USH2A: variants seen among roughly 807,000 people sequenced by gnomAD.
The protein encoded by USH2A is usherin.
USH2A carries 443 observed loss-of-function variants against 538.9 expected under a neutral mutation model. That is an observed-to-expected ratio of 0.82 (90% confidence interval 0.76 to 0.89). The LOEUF (loss-of-function observed/expected upper bound fraction) is 0.89, where lower values mean the gene tolerates loss of function less well. Ranked by LOEUF, USH2A falls within the 40% of genes least tolerant of loss-of-function variation. The pLI is 0.00. For synonymous variants in USH2A, 2,413 were observed against 2,273.5 expected (o/e 1.06, Z -1.75); for missense variants, 6,633 against 6,324.8 (o/e 1.05, Z -1.65).
chr1:216,050,809 G>A (rs1308109596), intron 30 of USH2A, among the ~76,000 whole-genome samples: 1 of 151,298 alleles, frequency 6.6e-6, no homozygotes, highest in Non-Finnish European at 1.5e-5. Flanking sequence ...GTTTCACCGT[G>A]TTAGCCAGGA....
At chr1:216,081,826 C>T (rs2031953695) in intron 26 of USH2A, among the ~76,000 whole-genome samples, 1 of 152,030 alleles carries the variant, frequency 6.6e-6, no homozygotes, top group South Asian at 2.1e-4. Flanking sequence ...CTACTGGCCT[C>T]AAGCTACCCT....
In USH2A at chr1:215,845,927, A is replaced by C. The variant is rs1416836481; in HGVS notation, c.8952T>G (p.Ile2984Met). The C allele has an allele frequency of 6.2e-7, 1 of 1,613,816 alleles. No homozygotes were observed. The highest frequency in any genetic ancestry group is 8.5e-7 in the Non-Finnish European group (1 of 1,179,940). The change falls in exon 45 of 72, where the codon ATT becomes ATG. Residue 2984 changes from isoleucine to methionine, a missense_variant. Transcript: ENST00000307340. ...ACTCTGTGTTTGGCTTTAGGTGGCC[A>C]ATGACATGAGAGTTTACATCTGGCA... is the stretch of plus-strand genomic sequence containing the variant. ...KILPDVNSHV[I>M]GHLKPNTEYW...
chr1:216,212,555 T>C (rs1380330781), intron 15 of USH2A, among the ~76,000 whole-genome samples: 1 of 152,070 alleles, frequency 6.6e-6, no homozygotes, highest in African/African-American at 2.4e-5. Flanking sequence ...TCTCCAGCTT[T>C]GGAACTTTGG....
intron 38 of USH2A, among the ~76,000 whole-genome samples, chr1:215,922,410 A>G (rs1666123622): frequency 6.6e-6 from 1 of 152,102 alleles, no homozygotes; most frequent in Non-Finnish European, 1.5e-5. Context: ...GCTTTCTTAC[A>G]TTGGAAAGAC....
chr1:216,198,203 A>G, intron 18 of USH2A, 112 bp downstream of exon 18: 3 of 1,514,590 alleles, frequency 2.0e-6, no homozygotes, highest in African/African-American at 1.4e-5. Context: ...GGTCTATGGA[A>G]GTTTCTAATT....
At chr1:216,196,805 T>C in intron 18 of USH2A, 83 bp from the exon 19 acceptor site, 1 of 1,460,044 alleles carries the variant, frequency 6.8e-7, no homozygotes, top group Non-Finnish European at 9.4e-7. Context: ...CACATTCATT[T>C]AGTTTCTGAA....
chr1:215,977,456 C>T lies in USH2A; in HGVS notation c.6806-6680G>A, dbSNP rs17025825. ...AGTAAGATTTTGAGTCCTTGAAATG[C>T]CATGTAAGTATTTTCAAAATTATAG... On this transcript the variant is annotated intron_variant, in intron 35 of 71. Transcript: ENST00000307340. 3.4e-3 allele frequency among the ~76,000 whole-genome samples: 515 copies of T among 151,940 alleles called. 4 individuals are homozygous for T. The highest frequency in any genetic ancestry group is 0.012 in the African/African-American group (489 of 41,416).
At position 215,728,131 on chromosome 1, in the gene USH2A, C is replaced by A. The variant is rs2102713426; in HGVS notation, c.11965G>T (p.Glu3989Ter). 6.2e-7 allele frequency: 1 copy of A among 1,614,162 alleles called. No homozygotes were observed. The highest frequency in any genetic ancestry group is 2.2e-5 in the East Asian group (1 of 44,860). ...TGGGAGATAATGCCATTGGGAGATT[C>A]TGGCTTTGTCCAATTCAACAGAACT... ...HSVLLNWTKPESPNGIISHYR... is the reference protein window; with the variant it reads ...HSVLLNWTKP The change falls in exon 61 of 72, where the codon GAA becomes TAA. Residue 3989 changes from glutamate to a stop codon, truncating the protein, a stop_gained. Transcript: ENST00000307340. LOFTEE classifies it high-confidence loss of function.
At chr1:215,749,387 C>A (rs1287596175) in intron 58 of USH2A, among the ~76,000 whole-genome samples, 3 of 152,198 alleles carry the variant, frequency 2.0e-5, no homozygotes, top group Non-Finnish European at 4.4e-5. Context: ...TTCACCTCTT[C>A]ATTAATTGGA....
rs560203366 is a variant in USH2A at position 215,815,626 on chromosome 1, A to T, written c.9570+1371T>A. Reference sequence around the variant, plus strand: ...GTAATTTTATAAATAATTTAGCCTAAACATAGGTAAATATTATTCTGTTAA... The same window carrying T: ...GTAATTTTATAAATAATTTAGCCTATACATAGGTAAATATTATTCTGTTAA... On this transcript the variant is annotated intron_variant, in intron 48 of 71. Coordinates refer to ENST00000307340, the MANE Select transcript of USH2A (RefSeq NM_206933.4). 3.3e-5 allele frequency among the ~76,000 whole-genome samples: 5 copies of T among 152,188 alleles called. No individual in the cohort carries two copies. In the East Asian group the frequency reaches 7.7e-4, roughly 23 times the overall value.
intron 3 of USH2A, among the ~76,000 whole-genome samples, chr1:216,418,097 A>G (rs1490517319): frequency 1.3e-5 from 2 of 152,160 alleles, no homozygotes; most frequent in African/African-American, 2.4e-5. Context: ...GACAAATTTT[A>G]TTCACATCAT....
chr1:216,184,203 T>G (rs962711375), intron 20 of USH2A, among the ~76,000 whole-genome samples: 1 of 152,026 alleles, frequency 6.6e-6, no homozygotes, highest in African/African-American at 2.4e-5. Flanking sequence ...AATAAATAAT[T>G]GGATAATTAG....
chr1:216,310,769 T>A (rs2037405460), intron 9 of USH2A, among the ~76,000 whole-genome samples: 3 of 152,236 alleles, frequency 2.0e-5, no homozygotes. Flanking sequence ...TCACTGAGTT[T>A]TCTTAAAACT....
intron 37 of USH2A, among the ~76,000 whole-genome samples, chr1:215,953,955 A>G (rs1342348451): frequency 6.6e-6 from 1 of 152,238 alleles, no homozygotes; most frequent in Non-Finnish European, 1.5e-5. Context: ...CAAAGGACAC[A>G]TGAAAAAATG....
intron 43 of USH2A, among the ~76,000 whole-genome samples, chr1:215,872,990 G>A (rs757747729): frequency 3.9e-5 from 6 of 152,066 alleles, no homozygotes; most frequent in East Asian, 1.9e-4. Context: ...GCAGAACCAT[G>A]AGCCAAGTAA....
rs2034934277 is a variant in USH2A at position 216,199,606 on chromosome 1, ATC to A, written c.3811+19_3811+20del. 7.4e-6 allele frequency: 12 copies of A among 1,613,620 alleles called. No individual in the cohort carries two copies. The East Asian group carries it at 2.7e-4, about 36-fold the overall frequency. ...ATTCATGTCTTGACCAAAAAGGGGA[ATC>A]TCAGCCTTGGATTCTTACCATTTAG... On this transcript the variant is annotated intron_variant, in intron 17 of 71. Transcript: ENST00000307340.
intron 61 of USH2A, among the ~76,000 whole-genome samples, chr1:215,692,101 T>A (rs1658632864): frequency 6.6e-6 from 1 of 152,202 alleles, no homozygotes; most frequent in Non-Finnish European, 1.5e-5. Flanking sequence ...GTAAGCAGTG[T>A]CAAATGCTGC....
intron 37 of USH2A, among the ~76,000 whole-genome samples, chr1:215,956,765 T>C (rs1667078271): frequency 6.6e-6 from 1 of 152,182 alleles, no homozygotes; most frequent in South Asian, 2.1e-4. Flanking sequence ...ACAAATTCAA[T>C]AAGCTGCTGT....
At chr1:215,876,512 A>G (rs1047402950) in intron 43 of USH2A, among the ~76,000 whole-genome samples, 4 of 152,200 alleles carry the variant, frequency 2.6e-5, no homozygotes, top group Non-Finnish European at 4.4e-5. Flanking sequence ...GTAGGGCACT[A>G]TGTGCTGGTA....
Sources: gnomAD v4.1 joint callset for allele counts (sites outside exome capture counted in the v4.1 genomes callset) on GRCh38, gnomAD v4.1.1 for gene constraint, MANE v1.5 for transcripts, NCBI Gene and HGNC (gene_info 2026-07-23, HGNC 2026-07-21) for gene names.